Variants in THG1L observed in about 807,000 individuals in gnomAD.
THG1L encodes the protein probable tRNA(His) guanylyltransferase.
A neutral mutation model predicts 35.2 loss-of-function variants in THG1L; 27 were observed. The observed-to-expected ratio is 0.77, with a 90% CI of 0.57 to 1.06. The LOEUF (loss-of-function observed/expected upper bound fraction) is 1.06. Among genes scored for constraint, THG1L ranks in the 50% least tolerant of loss-of-function variants. The pLI, the probability that THG1L is intolerant of heterozygous loss-of-function variation, is 0.00. For missense variants in THG1L, 377 were observed against 371.8 expected (o/e 1.01, Z -0.12); for synonymous variants, 135 against 132.4 (o/e 1.02, Z -0.14).
intron 4 of THG1L, among the ~76,000 whole-genome samples, chr5:157,737,342 G>C (rs1367090415): frequency 6.6e-6 from 1 of 152,102 alleles, no homozygotes; most frequent in Non-Finnish European, 1.5e-5. Context: ...AATTAGCTGG[G>C]TGTGCTGGCA....
chr5:157,734,803 G>C, intron 3 of THG1L, 58 bp downstream of exon 3: 1 of 1,597,584 alleles, frequency 6.3e-7, no homozygotes, highest in Non-Finnish European at 8.6e-7. Flanking sequence ...TCTTACAGGT[G>C]TTGATCTGAT....
At chr5:157,734,851 C>CTTT in intron 3 of THG1L, 106 bp downstream of exon 3, 1 of 1,233,756 alleles carries the variant, frequency 8.1e-7, no homozygotes, top group African/African-American at 1.5e-5. Context: ...TCAACATATA[C>CTTT]GTTGTACAGA....
At chr5:157,732,536 C>T (rs1760756336) in intron 1 of THG1L, among the ~76,000 whole-genome samples, 1 of 152,150 alleles carries the variant, frequency 6.6e-6, no homozygotes, top group East Asian at 1.9e-4. Context: ...ATTATTATAA[C>T]TAACATTTAT....
At chr5:157,739,170 C>CAT (rs754504211) in intron 5 of THG1L, 151 bp from the exon 6 acceptor site, 17 of 573,462 alleles carry the variant, frequency 3.0e-5, no homozygotes, top group Non-Finnish European at 5.1e-5. Context: ...CATATATGCG[C>CAT]ATATATATAC....
chr5:157,733,076 A>G (rs768550011), intron 2 of THG1L, 32 bp downstream of exon 2: 3 of 1,604,452 alleles, frequency 1.9e-6, no homozygotes, highest in Admixed American at 3.4e-5. Flanking sequence ...TTTCTTCAGA[A>G]TATTTCCTCC....
At position 157,739,240 on chromosome 5, in the gene THG1L, G is replaced by A; in HGVS notation, c.736-81G>A. The A allele has an allele frequency of 9.2e-6, 13 of 1,406,104 alleles. No individual in the cohort carries two copies. In the South Asian group the frequency reaches 1.7e-4, roughly 18 times the overall value. The allele number at this position is 1,406,104 out of a possible 1,614,324, so 87.1% of individuals were successfully genotyped here. The stretch of plus-strand genomic sequence containing the variant: ...AGTCGGAAGTATATGAAGATAAAAA[G>A]TGAGCTATCCCCACATCTTTCCTTT... On this transcript the variant is annotated intron_variant, in intron 5 of 5. Coordinates refer to ENST00000231198, the MANE Select transcript of THG1L (RefSeq NM_017872.5).
intron 4 of THG1L, 43 bp downstream of exon 4, chr5:157,735,977 C>T (rs375967266): frequency 4.1e-5 from 53 of 1,296,666 alleles, no homozygotes; most frequent in South Asian, 3.1e-4. Context: ...GGGGACAGTT[C>T]GCTGTAGGCT....
At chr5:157,735,760 G>A (rs1362007661) in intron 3 of THG1L, 86 bp from the exon 4 acceptor site, 11 of 873,672 alleles carry the variant, frequency 1.3e-5, no homozygotes, top group Non-Finnish European at 1.8e-5. Context: ...AAAGAGGAGA[G>A]GGTCAGGGCT....
Position 157,740,039 on chromosome 5 carries a change from A to T in THG1L, c.*557A>T, listed in dbSNP as rs1760993513. ...GCTTTGTGCCAGTCTCTAAGTTGGC[A>T]ACTTTGGCTGAACAAATGAGTAGTG... On this transcript the variant is annotated 3_prime_UTR_variant, in exon 6 of 6. Coordinates refer to ENST00000231198, the MANE Select transcript of THG1L (RefSeq NM_017872.5). 6.6e-6 allele frequency: 1 copy of T among 152,236 alleles called. No homozygotes were observed. The highest frequency in any genetic ancestry group is 1.5e-5 in the Non-Finnish European group (1 of 68,060). 9.4% of individuals were successfully genotyped at this position (152,236 alleles called of 1,614,324 possible).
At position 157,731,754 on chromosome 5, in the gene THG1L, G is replaced by A. The variant is rs1298806038; in HGVS notation, c.191+123G>A. On this transcript the variant is annotated intron_variant, in intron 1 of 5. Transcript: ENST00000231198. ...ACCAGGGTAACGCGGTAGCCAATGA[G>A]TGCGCAGCATGGAGCATTGCCCCGC... The A allele has an allele frequency of 4.0e-6, 5 of 1,259,940 alleles. No homozygotes were observed. The East Asian group carries it at 7.2e-5, about 18-fold the overall frequency. 78.0% of individuals were successfully genotyped at this position (1,259,940 alleles called of 1,614,324 possible).
chr5:157,731,704 C>G, intron 1 of THG1L, 73 bp downstream of exon 1: 2 of 1,514,856 alleles, frequency 1.3e-6, no homozygotes, highest in South Asian at 1.3e-5. Flanking sequence ...CCTTGCAAGT[C>G]CTCCCGCCCG....
In THG1L at chr5:157,741,064, G is replaced by C. The variant is rs1019314076; in HGVS notation, c.*1582G>C. On this transcript the variant is annotated 3_prime_UTR_variant, in exon 6 of 6. Coordinates refer to ENST00000231198, the MANE Select transcript of THG1L (RefSeq NM_017872.5). ...GTACTAAAAATAGAAAAATTAGCTG[G>C]GCGTGGTGGCGTGTGCCTGCAATAC... is the stretch of plus-strand genomic sequence containing the variant. 1 of 152,172 alleles carries C rather than the reference G, an allele frequency of 6.6e-6. No individual in the cohort carries two copies. Among genetic ancestry groups the C allele is most frequent in the Non-Finnish European group, 1.5e-5 (1 of 68,106 alleles). The allele number at this position is 152,172 out of a possible 1,614,324, so 9.4% of individuals were successfully genotyped here.
At position 157,734,851 on chromosome 5, in the gene THG1L, C is replaced by T. The variant is rs112111205; in HGVS notation, c.538+106C>T. Reference sequence around the variant, plus strand: ...CACATATACTTTGTTTCAACATATACGTTGTACAGAATGCAGTATTTAAAT... The same window carrying T: ...CACATATACTTTGTTTCAACATATATGTTGTACAGAATGCAGTATTTAAAT... On this transcript the variant is annotated intron_variant, in intron 3 of 5. Coordinates refer to ENST00000231198, the MANE Select transcript of THG1L (RefSeq NM_017872.5). 6.1e-5 allele frequency: 75 copies of T among 1,233,754 alleles called. 1 individual carries two copies. Among genetic ancestry groups the T allele is most frequent in the South Asian group, 2.7e-4 (17 of 63,484 alleles). The allele number at this position is 1,233,754 out of a possible 1,614,324, so 76.4% of individuals were successfully genotyped here.
chr5:157,733,088 A>C (rs199500859), intron 2 of THG1L, 44 bp downstream of exon 2: 1 of 1,600,716 alleles, frequency 6.2e-7, no homozygotes, highest in East Asian at 2.2e-5. Context: ...ATTTCCTCCC[A>C]GCATCTGGTT....
rs372408428 is a variant in THG1L, at chr5:157,734,939, A to AT, written c.538+209dup. Among the ~76,000 whole-genome samples the AT allele has an allele frequency of 5.2e-3, 727 of 139,894 alleles. 3 individuals carry two copies. The highest frequency in any genetic ancestry group is 0.014 in the African/African-American group (548 of 38,204). The allele number at this position is 139,894 out of a possible 152,430, so 91.8% of individuals were successfully genotyped here. On this transcript the variant is annotated intron_variant, in intron 3 of 5. Transcript: ENST00000231198. The stretch of plus-strand genomic sequence containing the variant: ...TTTTACGTAAAAACTCCTTATCTCT[A>AT]TTTTTTTTTTTTTTTAAGACAGAGT...
chr5:157,737,127 A>C (rs1036397602), intron 4 of THG1L, among the ~76,000 whole-genome samples: 3 of 152,162 alleles, frequency 2.0e-5, no homozygotes, highest in African/African-American at 7.2e-5. Flanking sequence ...TGCCTGGTAC[A>C]TTATGTTTGC....
intron 5 of THG1L, 37 bp downstream of exon 5, chr5:157,738,031 GA>G: frequency 6.5e-7 from 1 of 1,535,978 alleles, no homozygotes; most frequent in Non-Finnish European, 9.0e-7. Flanking sequence ...TGGAAGTCAG[GA>G]AAAAAGATAG....
In THG1L at chr5:157,735,233, C is replaced by G. The variant is rs191967549; in HGVS notation, c.538+488C>G. On this transcript the variant is annotated intron_variant, in intron 3 of 5. Coordinates refer to ENST00000231198, the MANE Select transcript of THG1L (RefSeq NM_017872.5). ...GATTATAGGCGTGAGCCACCACGCC[C>G]AGCCGCCTTATCTCTATTTTTTAAA... Among the ~76,000 whole-genome samples the G allele has an allele frequency of 2.2e-3, 333 of 152,268 alleles. 3 individuals are homozygous for G. The highest frequency in any genetic ancestry group is 3.9e-3 in the Non-Finnish European group (264 of 68,024).
chr5:157,731,710 G>C (rs928514793), intron 1 of THG1L, 79 bp downstream of exon 1: 68 of 1,499,096 alleles, frequency 4.5e-5, no homozygotes, highest in Non-Finnish European at 5.9e-5. Flanking sequence ...AAGTCCTCCC[G>C]CCCGCTCCAG....
Sources: gnomAD v4.1 joint callset for allele counts (sites outside exome capture counted in the v4.1 genomes callset) on GRCh38, gnomAD v4.1.1 for gene constraint, MANE v1.5 for transcripts, NCBI Gene and HGNC (gene_info 2026-07-23, HGNC 2026-07-21) for gene names.